The following STAB2 variants were observed in gnomAD, a reference collection of about 807,000 sequenced individuals.
STAB2 encodes the protein stabilin 2, also known as stabilin-2.
In STAB2, 288 loss-of-function variants were observed where a neutral mutation model predicts 338.1. The observed-to-expected ratio is 0.85, with a 90% CI of 0.77 to 0.94. The LOEUF (loss-of-function observed/expected upper bound fraction) is 0.94. STAB2 is among the 40% of genes least tolerant of loss of function. The pLI is 0.00. For synonymous variants in STAB2, 1,202 were observed against 1,193.3 expected, an observed-to-expected ratio of 1.01 and a Z score of -0.15; for missense variants, 3,141 against 3,210.1, an observed-to-expected ratio of 0.98 and a Z score of 0.52.
At chr12:103,684,183 A>C (rs1274988425) in intron 26 of STAB2, among the ~76,000 whole-genome samples, 1 of 152,126 alleles carries the variant, frequency 6.6e-6, no homozygotes, top group Admixed American at 6.5e-5. Context: ...CTTGAGGTAA[A>C]CGGTTCCCCC....
Position 103,683,252 on chromosome 12 carries a change from T to A in STAB2, c.2853T>A (p.Cys951Ter). 5.6e-6 allele frequency: 9 copies of A among 1,613,164 alleles called. No homozygotes were observed. The highest frequency in any genetic ancestry group is 7.6e-6 in the Non-Finnish European group (9 of 1,179,714). Reference sequence around the variant, plus strand: ...GATTTCGAGGAAATGGGATTGACTGTGAACCAATAACTTCATGCTTGGAAC... The same window carrying A: ...GATTTCGAGGAAATGGGATTGACTGAGAACCAATAACTTCATGCTTGGAAC... ...KKGFRGNGID[C>*]EPITSCLEQT... The change falls in exon 26 of 69, where the codon TGT becomes TGA. Residue 951 changes from cysteine to a stop codon, truncating the protein, a stop_gained. Transcript: ENST00000388887. LOFTEE classifies it high-confidence loss of function.
At chr12:103,654,847 TC>T in intron 13 of STAB2, 149 bp downstream of exon 13, 1 of 996,796 alleles carries the variant, frequency 1.0e-6, no homozygotes, top group Non-Finnish European at 1.4e-6. Context: ...TTTGTCTGTT[TC>T]CAATAGAAAC....
Position 103,662,951 on chromosome 12 carries a change from C to T in STAB2, c.1975C>T (p.Pro659Ser), listed in dbSNP as rs1342400421. 1.9e-6 allele frequency: 3 copies of T among 1,614,158 alleles called. No individual in the cohort carries two copies. In the South Asian group the frequency reaches 3.3e-5, roughly 18 times the overall value. The change falls in exon 18 of 69, where the codon CCG becomes TCG. Residue 659 changes from proline (P) to serine (S), a missense_variant. Transcript: ENST00000388887. Reference sequence around the variant, plus strand: ...AGTTCTCATTCCTCCCTCCATTGTCCCGATTCTGCCCCATCGATGTGATGA... The same window carrying T: ...AGTTCTCATTCCTCCCTCCATTGTCTCGATTCTGCCCCATCGATGTGATGA... ...TGVLIPPSIV[P>S]ILPHRCDETK... is the part of the protein sequence containing the mutation.
intron 25 of STAB2, among the ~76,000 whole-genome samples, chr12:103,681,663 C>A (rs1876919964): frequency 7.5e-6 from 1 of 132,468 alleles, no homozygotes; most frequent in Non-Finnish European, 1.5e-5. Context: ...CGCTCTGTTG[C>A]CAGGCTGGAG....
At chr12:103,700,399 C>G (rs1878759641) in intron 34 of STAB2, among the ~76,000 whole-genome samples, 1 of 152,146 alleles carries the variant, frequency 6.6e-6, no homozygotes, top group Non-Finnish European at 1.5e-5. Context: ...AAAACAATTT[C>G]TTCAGTGGTG....
In STAB2 at chr12:103,739,484, G is replaced by A. The variant is rs1454038690; in HGVS notation, c.5754+16G>A. ...TAAACCAAAGGTAATTAAGACTGCA[G>A]TGATAATGTTTGGAGAGCCATAGGT... is the stretch of plus-strand genomic sequence containing the variant. On this transcript the variant is annotated intron_variant, in intron 54 of 68. Transcript: ENST00000388887. 1.3e-6 allele frequency: 2 copies of A among 1,572,866 alleles called. No individual in the cohort carries two copies. Among genetic ancestry groups the A allele is most frequent in the Admixed American group, 3.7e-5 (2 of 54,230 alleles).
At chr12:103,650,689 G>A in intron 11 of STAB2, 111 bp downstream of exon 11, 2 of 790,738 alleles carry the variant, frequency 2.5e-6, no homozygotes, top group South Asian at 3.6e-5. Context: ...ACCTACTGAT[G>A]ATAAGGATGG....
chr12:103,667,702 A>G (rs533554678), intron 19 of STAB2, among the ~76,000 whole-genome samples: 1 of 152,322 alleles, frequency 6.6e-6, no homozygotes, highest in East Asian at 1.9e-4. Flanking sequence ...ATTCCTTCAT[A>G]TAGCTAATAT....
At chr12:103,664,254 C>T (rs545236598) in intron 18 of STAB2, among the ~76,000 whole-genome samples, 11 of 152,336 alleles carry the variant, frequency 7.2e-5, no homozygotes, top group African/African-American at 2.4e-4. Context: ...TGCCATTCTC[C>T]TGCCTCAGCC....
intron 15 of STAB2, among the ~76,000 whole-genome samples, chr12:103,656,677 ATTTTTT>A (rs62855260): frequency 8.4e-6 from 1 of 119,000 alleles, no homozygotes. Flanking sequence ...AAAACTTAGG[ATTTTTT>A]TTTTTTTTTT....
At chr12:103,727,165 T>A in intron 46 of STAB2, 102 bp from the exon 47 acceptor site, 4 of 1,197,462 alleles carry the variant, frequency 3.3e-6, no homozygotes, top group East Asian at 4.7e-5. Flanking sequence ...CCTCATCCAG[T>A]CTTTGCTTCA....
At chr12:103,630,078 T>G (rs989943164) in intron 5 of STAB2, among the ~76,000 whole-genome samples, 1 of 152,090 alleles carries the variant, frequency 6.6e-6, no homozygotes, top group Non-Finnish European at 1.5e-5. Context: ...TAATTGAGAG[T>G]CATTGAGATA....
At chr12:103,687,847 G>A (rs564559323) in intron 27 of STAB2, among the ~76,000 whole-genome samples, 1 of 152,326 alleles carries the variant, frequency 6.6e-6, no homozygotes, top group South Asian at 2.1e-4. Flanking sequence ...TAGCGTCTAG[G>A]TAGCCGCGTT....
intron 11 of STAB2, among the ~76,000 whole-genome samples, chr12:103,652,129 A>G (rs1873790260): frequency 6.6e-6 from 1 of 152,252 alleles, no homozygotes; most frequent in African/African-American, 2.4e-5. Flanking sequence ...TTTTCTATTC[A>G]AAAGTACAAT....
rs146494560 is a variant in STAB2, at chr12:103,728,986, C to T, written c.5073C>T (p.Ser1691=). 128 of 1,613,734 alleles carry T rather than the reference C, an allele frequency of 7.9e-5. No individual in the cohort carries two copies. In the African/African-American group the frequency reaches 9.2e-4, roughly 12 times the overall value. Residue 1691 remains serine (S), a synonymous_variant, in exon 48 of 69, where the codon TCC becomes TCT. Coordinates refer to ENST00000388887, the MANE Select transcript of STAB2 (RefSeq NM_017564.10). The part of the protein sequence containing the change: ...TSLQGEPIVI[S]VSQSTVYINN... ...TCCAAGGAGAGCCAATAGTCATCTC[C>T]GTCTCTCAGGTAGATGCCAGTTATC...
At chr12:103,592,646 A>G (rs1418691286) in intron 2 of STAB2, among the ~76,000 whole-genome samples, 1 of 152,124 alleles carries the variant, frequency 6.6e-6, no homozygotes, top group East Asian at 1.9e-4. Flanking sequence ...CAACACCACA[A>G]TCAGTGTCAT....
chr12:103,691,817 C>T (rs1457015360), intron 30 of STAB2, among the ~76,000 whole-genome samples: 1 of 146,386 alleles, frequency 6.8e-6, no homozygotes, highest in Non-Finnish European at 1.5e-5. Flanking sequence ...CAGAGTGAGA[C>T]AAGACCAGGG....
chr12:103,756,996 A>AATAT (rs869105400), intron 63 of STAB2, among the ~76,000 whole-genome samples: 3,637 of 55,364 alleles, frequency 0.066, 70 homozygotes, highest in East Asian at 0.16. Flanking sequence ...AAGGAGGGAA[A>AATAT]ATATATATAT....
intron 25 of STAB2, 22 bp from the exon 26 acceptor site, chr12:103,683,183 G>A: frequency 6.2e-7 from 1 of 1,605,506 alleles, no homozygotes; most frequent in Non-Finnish European, 8.5e-7. Context: ...TAATCCACTT[G>A]ACTCTGTTCT....
Sources: gnomAD v4.1 joint callset for allele counts (sites outside exome capture counted in the v4.1 genomes callset) on GRCh38, gnomAD v4.1.1 for gene constraint, MANE v1.5 for transcripts, NCBI Gene and HGNC (gene_info 2026-07-23, HGNC 2026-07-21) for gene names.